The following SETDB1 variants were observed in gnomAD, a reference collection of about 807,000 sequenced individuals.
The protein encoded by SETDB1 is histone-lysine N-methyltransferase SETDB1.
SETDB1 carries 31 observed loss-of-function variants against 137.4 expected under a neutral mutation model. The observed-to-expected ratio is 0.23, with a 90% CI of 0.17 to 0.30. The LOEUF is 0.30. Ranked by LOEUF, SETDB1 falls within the 10% of genes least tolerant of loss-of-function variation. The probability of loss-of-function intolerance (pLI) is 1.00; values close to 1 mark genes in which losing one functional copy is unlikely to be tolerated. For missense variants in SETDB1, 1,113 were observed against 1,631.5 expected (o/e 0.68, Z 5.47); for synonymous variants, 548 against 579.9 (o/e 0.95, Z 0.79).
In SETDB1 at chr1:150,960,829, C is replaced by T; in HGVS notation, c.2770C>T (p.Arg924Trp). The part of the protein sequence containing the change: ...DEDFSTSSVW[R>W]SYATRRQTRG... Reference sequence around the variant, plus strand: ...GGACTTCAGCACCAGTTCAGTGTGGCGGAGCTATGCTACCCGGAGGCAGAC... The same window carrying T: ...GGACTTCAGCACCAGTTCAGTGTGGTGGAGCTATGCTACCCGGAGGCAGAC... Residue 924 changes from arginine to tryptophan, a missense_variant, in exon 16 of 22, where the codon CGG becomes TGG. Around this residue, in one of 11 missense-constraint regions of SETDB1, gnomAD observed 373 missense variants for 412.7 expected, o/e 0.90. Transcript: ENST00000692827. The T allele has an allele frequency of 1.2e-6, 2 of 1,603,658 alleles. No homozygotes were observed. The highest frequency in any genetic ancestry group is 1.1e-5 in the South Asian group (1 of 89,056).
Position 150,963,860 on chromosome 1 carries a change from A to C in SETDB1, c.3672+119A>C, listed in dbSNP as rs1230422953. On this transcript the variant is annotated intron_variant, in intron 20 of 21. Coordinates refer to ENST00000692827, the MANE Select transcript of SETDB1 (RefSeq NM_001366418.1). ...CTCTTGATCTCAAAGGATCTTAAAG[A>C]GGTAGCTTTCTTTCAAAGCATCTAT... The C allele has an allele frequency of 2.3e-6, 3 of 1,298,322 alleles. No individual in the cohort carries two copies. The East Asian group carries it at 7.0e-5, about 30-fold the overall frequency. 80.4% of individuals were successfully genotyped at this position (1,298,322 alleles called of 1,614,324 possible).
rs1571627050 is a variant in SETDB1, at chr1:150,933,864, A to T, written c.412+3746A>T. ...AATGGCAGGATCTCTGCTCACTGCA[A>T]CCTCCGCCTCTTGGGTTCAAGCGAT... On this transcript the variant is annotated intron_variant, in intron 3 of 21. Coordinates refer to ENST00000692827, the MANE Select transcript of SETDB1 (RefSeq NM_001366418.1). 2.2e-5 allele frequency among the ~76,000 whole-genome samples: 3 copies of T among 137,680 alleles called. No individual in the cohort carries two copies. The South Asian group carries it at 6.8e-4, about 31-fold the overall frequency. 90.3% of individuals were successfully genotyped at this position (137,680 alleles called of 152,430 possible).
Position 150,961,205 on chromosome 1 carries a change from G to A in SETDB1, c.3132+14G>A. The A allele has an allele frequency of 1.2e-6, 2 of 1,610,998 alleles. No homozygotes were observed. Among genetic ancestry groups the A allele is most frequent in the Non-Finnish European group, 1.7e-6 (2 of 1,179,286 alleles). ...GCCAAGAAAGAGGTAAGCAGTGGCA[G>A]AACACTCTGAGAGCTATGGCTTTAA... On this transcript the variant is annotated intron_variant, in intron 16 of 21. Transcript: ENST00000692827.
intron 3 of SETDB1, among the ~76,000 whole-genome samples, chr1:150,935,595 ATATT>A (rs1669921256): frequency 6.6e-6 from 1 of 152,062 alleles, no homozygotes; most frequent in African/African-American, 2.4e-5. Flanking sequence ...GGGTATCTAT[ATATT>A]CTAGTTCATT....
At chr1:150,935,018 G>A (rs587645874) in intron 3 of SETDB1, among the ~76,000 whole-genome samples, 17 of 152,174 alleles carry the variant, frequency 1.1e-4, no homozygotes, top group Admixed American at 2.6e-4. Flanking sequence ...ACAGGGTTTC[G>A]TCATGTAGTT....
chr1:150,933,840 A>G lies in SETDB1; in HGVS notation c.412+3722A>G, dbSNP rs1485437022. 2.3e-5 allele frequency among the ~76,000 whole-genome samples: 3 copies of G among 129,808 alleles called. No individual in the cohort carries two copies. The East Asian group carries it at 6.7e-4, about 29-fold the overall frequency. 85.2% of individuals were successfully genotyped at this position (129,808 alleles called of 152,430 possible). ...CTCTTGTTGTCTAGGCTGGAGTGCA[A>G]TGGCAGGATCTCTGCTCACTGCAAC... On this transcript the variant is annotated intron_variant, in intron 3 of 21. Coordinates refer to ENST00000692827, the MANE Select transcript of SETDB1 (RefSeq NM_001366418.1).
intron 1 of SETDB1, 104 bp downstream of exon 1, chr1:150,926,621 G>A: frequency 2.3e-6 from 1 of 436,752 alleles, no homozygotes; most frequent in Non-Finnish European, 4.6e-6. Flanking sequence ...CTTCCCCAGA[G>A]GCGAACGGGG....
chr1:150,944,160 T>G, intron 8 of SETDB1, 167 bp downstream of exon 8: 1 of 616,474 alleles, frequency 1.6e-6, no homozygotes, highest in Non-Finnish European at 2.9e-6. Flanking sequence ...CCAAAAGAGA[T>G]ACAGTTTTAT....
At chr1:150,944,509 T>C (rs1670264360) in intron 8 of SETDB1, among the ~76,000 whole-genome samples, 1 of 152,136 alleles carries the variant, frequency 6.6e-6, no homozygotes, top group Non-Finnish European at 1.5e-5. Context: ...AACATGACAG[T>C]AAACACATTC....
Position 150,949,289 on chromosome 1 carries a change from T to C in SETDB1, c.1424+11T>C, listed in dbSNP as rs1359786716. 5.6e-6 allele frequency: 9 copies of C among 1,612,918 alleles called. No individual in the cohort carries two copies. Among genetic ancestry groups the C allele is most frequent in the Non-Finnish European group, 7.6e-6 (9 of 1,179,402 alleles). Reference sequence around the variant, plus strand: ...AGCAGGTGACAGTGAGTGAGTGTTATTCTTTCTTTTTCTTCAGTTTCTTTC... The same window carrying C: ...AGCAGGTGACAGTGAGTGAGTGTTACTCTTTCTTTTTCTTCAGTTTCTTTC... On this transcript the variant is annotated intron_variant, in intron 11 of 21. Transcript: ENST00000692827.
chr1:150,928,836 C>T (rs760032865), intron 2 of SETDB1, among the ~76,000 whole-genome samples: 4 of 151,420 alleles, frequency 2.6e-5, no homozygotes, highest in Non-Finnish European at 5.9e-5. Flanking sequence ...TGAATGAGAA[C>T]GTGCGGTGTT....
chr1:150,929,249 G>A (rs1669645770), intron 2 of SETDB1, among the ~76,000 whole-genome samples: 1 of 152,092 alleles, frequency 6.6e-6, no homozygotes, highest in African/African-American at 2.4e-5. Context: ...ATCCTCTCCA[G>A]CACCTGTTGT....
chr1:150,940,165 A>G (rs1670088513), intron 4 of SETDB1, among the ~76,000 whole-genome samples, 191 bp downstream of exon 4: 1 of 152,198 alleles, frequency 6.6e-6, no homozygotes, highest in Admixed American at 6.6e-5. Context: ...CTTTCACTAG[A>G]AAGGAGTGTT....
At chr1:150,961,216 G>C in intron 16 of SETDB1, 25 bp downstream of exon 16, 1 of 1,608,408 alleles carries the variant, frequency 6.2e-7, no homozygotes, top group South Asian at 1.1e-5. Context: ...AACACTCTGA[G>C]AGCTATGGCT....
At chr1:150,927,658 T>C in intron 1 of SETDB1, 46 bp from the exon 2 acceptor site, 1 of 1,552,498 alleles carries the variant, frequency 6.4e-7, no homozygotes, top group Non-Finnish European at 8.8e-7. Context: ...ATTGATTGAT[T>C]GTAGTTATAA....
intron 1 of SETDB1, among the ~76,000 whole-genome samples, chr1:150,927,277 C>T (rs1385703970): frequency 1.3e-5 from 2 of 152,112 alleles, no homozygotes; most frequent in African/African-American, 4.8e-5. Flanking sequence ...AGGCGTGCAC[C>T]ACCACACGTG....
chr1:150,961,926 C>T, intron 16 of SETDB1: 1 of 663,298 alleles, frequency 1.5e-6, no homozygotes, highest in Non-Finnish European at 2.7e-6. Context: ...GAGCATTAAG[C>T]CCCATCACTG....
rs753755448 is a variant in SETDB1 at position 150,963,992 on chromosome 1, C to T, written c.3673-3C>T. On this transcript the variant is annotated splice_region_variant and splice_polypyrimidine_tract_variant and intron_variant, in intron 20 of 21. Coordinates refer to ENST00000692827, the MANE Select transcript of SETDB1 (RefSeq NM_001366418.1). ...TTATTTGATCCTGTCCTTAAACCTA[C>T]AGCACAGTTGCAGCCCCAACCTGTT... The T allele has an allele frequency of 6.2e-7, 1 of 1,613,426 alleles. No individual in the cohort carries two copies. Among genetic ancestry groups the T allele is most frequent in the East Asian group, 2.2e-5 (1 of 44,896 alleles).
chr1:150,960,911 C>A lies in SETDB1; in HGVS notation c.2852C>A (p.Pro951Gln), dbSNP rs368895041. The A allele has an allele frequency of 4.0e-5, 65 of 1,613,206 alleles. No homozygotes were observed. Among genetic ancestry groups the A allele is most frequent in the Non-Finnish European group, 5.2e-5 (61 of 1,179,528 alleles). The change falls in exon 16 of 22, where the codon CCA (proline) becomes CAA (glutamine). Residue 951 changes from proline (P) to glutamine (Q), a missense_variant. This residue lies in a region of SETDB1 where 373 missense variants were observed against 412.7 expected (regional missense o/e 0.90). Transcript: ENST00000692827. ...ACAACTTCCAAGGACTCCCACCCCC[C>A]AGATCTTGGACCCCCACATATTCCT... ...SETTSKDSHP[P>Q]DLGPPHIPVP... is the part of the protein sequence containing the mutation.
Sources: gnomAD v4.1 joint callset for allele counts (sites outside exome capture counted in the v4.1 genomes callset) on GRCh38, gnomAD v4.1.1 for gene constraint, gnomAD v4.1.1 regional missense constraint, MANE v1.5 for transcripts, NCBI Gene and HGNC (gene_info 2026-07-23, HGNC 2026-07-21) for gene names.